ST3GAL2: variants seen among roughly 807,000 people sequenced by gnomAD.
ST3GAL2 encodes the protein ST3 beta-galactoside alpha-2,3-sialyltransferase 2, also known as CMP-N-acetylneuraminate-beta-galactosamide-alpha-2,3-sialyltransferase 2.
ST3GAL2 carries 16 observed loss-of-function variants against 37.5 expected under a neutral mutation model. The observed-to-expected ratio is 0.43, with a 90% confidence interval of 0.29 to 0.65. The LOEUF is 0.65. Ranked by LOEUF, ST3GAL2 falls within the 30% of genes least tolerant of loss-of-function variation. ST3GAL2 has a pLI of 0.17. For synonymous variants in ST3GAL2, 238 were observed against 202.9 expected (o/e 1.17, Z -1.47); for missense variants, 383 against 487.8 (o/e 0.79, Z 2.02).
At chr16:70,422,775 C>T (rs895870530) in intron 1 of ST3GAL2, among the ~76,000 whole-genome samples, 9 of 152,160 alleles carry the variant, frequency 5.9e-5, no homozygotes, top group Non-Finnish European at 1.0e-4. Context: ...TAAGACTGAA[C>T]TGAGGTCTCC....
chr16:70,426,618 T>A (rs1251739846), intron 1 of ST3GAL2, among the ~76,000 whole-genome samples: 1 of 151,620 alleles, frequency 6.6e-6, no homozygotes. Flanking sequence ...TTCAAGCGAT[T>A]CTCCTGCCTC....
intron 1 of ST3GAL2, among the ~76,000 whole-genome samples, chr16:70,428,738 T>C (rs1269481454): frequency 6.6e-6 from 1 of 152,156 alleles, no homozygotes; most frequent in Non-Finnish European, 1.5e-5. Flanking sequence ...ACCTTCCTCC[T>C]CTTCTCTACA....
intron 6 of ST3GAL2, among the ~76,000 whole-genome samples, chr16:70,382,321 C>G (rs1327073235): frequency 2.0e-5 from 3 of 152,086 alleles, no homozygotes; most frequent in Non-Finnish European, 4.4e-5. Flanking sequence ...CTCATTCTGT[C>G]GCCCAGGCTG....
At chr16:70,418,859 C>G (rs2047693807) in intron 1 of ST3GAL2, among the ~76,000 whole-genome samples, 1 of 152,158 alleles carries the variant, frequency 6.6e-6, no homozygotes. Flanking sequence ...CCCACCCACG[C>G]ACCTGGGGCA....
At chr16:70,436,703 T>A (rs1300893725) in intron 1 of ST3GAL2, among the ~76,000 whole-genome samples, 1 of 152,052 alleles carries the variant, frequency 6.6e-6, no homozygotes, top group Non-Finnish European at 1.5e-5. Flanking sequence ...TCCCTAAACC[T>A]GTAACCATGA....
intron 4 of ST3GAL2, among the ~76,000 whole-genome samples, chr16:70,385,344 A>C (rs934171121): frequency 1.3e-5 from 2 of 152,134 alleles, no homozygotes; most frequent in Non-Finnish European, 2.9e-5. Flanking sequence ...GTTAAATCAT[A>C]GAGACAGAAA....
chr16:70,423,968 A>C (rs747694536), intron 1 of ST3GAL2, among the ~76,000 whole-genome samples: 4 of 151,644 alleles, frequency 2.6e-5, no homozygotes, highest in Non-Finnish European at 5.9e-5. Context: ...TGAGGCGGGA[A>C]AATGGCATGA....
At chr16:70,397,256 T>C (rs1186564299) in intron 2 of ST3GAL2, among the ~76,000 whole-genome samples, 6 of 149,900 alleles carry the variant, frequency 4.0e-5, no homozygotes, top group Non-Finnish European at 8.9e-5. Context: ...TTGGTCAGGC[T>C]GGTCTCGAAC....
intron 3 of ST3GAL2, 63 bp downstream of exon 3, chr16:70,394,919 G>A: frequency 1.3e-6 from 2 of 1,561,320 alleles, no homozygotes; most frequent in South Asian, 1.2e-5. Flanking sequence ...ACAAGGCAGA[G>A]GAGGGCAGTC....
chr16:70,406,364 CG>C (rs2047592267), intron 1 of ST3GAL2, among the ~76,000 whole-genome samples: 2 of 151,424 alleles, frequency 1.3e-5, no homozygotes, highest in East Asian at 2.0e-4. Flanking sequence ...AAAAATTAGC[CG>C]GGGGGTGGTG....
intron 2 of ST3GAL2, among the ~76,000 whole-genome samples, chr16:70,396,443 T>C (rs1368868163): frequency 6.6e-6 from 1 of 151,876 alleles, no homozygotes; most frequent in Non-Finnish European, 1.5e-5. Flanking sequence ...AGATGAGAAT[T>C]CCTATATAAA....
Position 70,398,333 on chromosome 16 carries a change from C to T in ST3GAL2, c.198G>A (p.Ser66=), listed in dbSNP as rs62638718. 2,932 of 1,613,466 alleles carry T rather than the reference C, an allele frequency of 1.8e-3. 34 individuals carry two copies. In the African/African-American group the frequency reaches 0.03, roughly 16 times the overall value. Residue 66 remains serine (S), a synonymous_variant, in exon 2 of 7, where the codon TCG becomes TCA. Transcript: ENST00000342907. ...AGCGGCGACAGGCACAGCTCTTGCC[C>T]GAGAGCCTCTCCTTGCTGAGGCGCT... The part of the protein sequence containing the change: ...GLQRLSKERL[S]GKSCACRRCM...
At position 70,398,462 on chromosome 16, in the gene ST3GAL2, G is replaced by A. The variant is rs757605200; in HGVS notation, c.69C>T (p.Leu23=). The change falls in exon 2 of 7, where the codon CTC becomes CTT. Residue 23 remains leucine (L), a synonymous_variant. Transcript: ENST00000342907. ...CCATGCTGTGGTGCGAGTAGGTGAA[G>A]AGCAGGGACATGATGAACACCAGCA... ...AFLLVFIMSL[L]FTYSHHSMAT... is the part of the protein sequence containing the mutation. The A allele has an allele frequency of 1.2e-6, 2 of 1,613,630 alleles. No individual in the cohort carries two copies. Among genetic ancestry groups the A allele is most frequent in the South Asian group, 2.2e-5 (2 of 91,090 alleles).
chr16:70,381,900 G>C (rs1597552841), intron 6 of ST3GAL2, 38 bp from the exon 7 acceptor site: 4 of 1,607,362 alleles, frequency 2.5e-6, no homozygotes, highest in African/African-American at 2.7e-5. Context: ...CCCAGGCGGG[G>C]ACCTGGAGGA....
chr16:70,409,983 T>C (rs779999722), intron 1 of ST3GAL2, among the ~76,000 whole-genome samples: 2 of 151,390 alleles, frequency 1.3e-5, no homozygotes, highest in Non-Finnish European at 2.9e-5. Context: ...CCCAGGCTGA[T>C]CTCCAACTCC....
At chr16:70,408,273 CT>C (rs141494326) in intron 1 of ST3GAL2, among the ~76,000 whole-genome samples, 1 of 152,284 alleles carries the variant, frequency 6.6e-6, no homozygotes, top group African/African-American at 2.4e-5. Context: ...CCAAAGCACT[CT>C]TCCACTAACT....
At chr16:70,397,183 G>A (rs987119607) in intron 2 of ST3GAL2, among the ~76,000 whole-genome samples, 1 of 151,322 alleles carries the variant, frequency 6.6e-6, no homozygotes, top group South Asian at 2.1e-4. Flanking sequence ...TGGGATTACA[G>A]GCACGCACCA....
chr16:70,420,829 G>A (rs1295410444), intron 1 of ST3GAL2, among the ~76,000 whole-genome samples: 1 of 152,194 alleles, frequency 6.6e-6, no homozygotes, highest in East Asian at 1.9e-4. Flanking sequence ...AGACTAAAAG[G>A]AAGCCATGTC....
chr16:70,411,190 G>C (rs935121948), intron 1 of ST3GAL2, among the ~76,000 whole-genome samples: 1 of 152,026 alleles, frequency 6.6e-6, no homozygotes, highest in African/African-American at 2.4e-5. Flanking sequence ...TTCGAGACCA[G>C]CCTGGGCAAC....
Sources: allele counts gnomAD v4.1 joint callset (sites outside exome capture counted in the v4.1 genomes callset), GRCh38; gene constraint gnomAD v4.1.1; transcripts MANE v1.5; gene names NCBI Gene and HGNC (gene_info 2026-07-23, HGNC 2026-07-21).